Variants in FAIM observed in about 807,000 individuals in gnomAD.
The protein encoded by FAIM is fas apoptotic inhibitory molecule 1.
In FAIM, 14 loss-of-function variants were observed where a neutral mutation model predicts 21.2. The observed-to-expected ratio is 0.66, with a 90% CI of 0.44 to 1.03. The LOEUF is 1.03. Among genes scored for constraint, FAIM ranks in the 50% least tolerant of loss-of-function variants. The probability of loss-of-function intolerance (pLI) is 0.00; values close to 1 mark genes in which losing one functional copy is unlikely to be tolerated. For synonymous variants in FAIM, 86 were observed against 80.4 expected, an observed-to-expected ratio of 1.07 and a Z score of -0.37; for missense variants, 222 against 247.1, an observed-to-expected ratio of 0.90 and a Z score of 0.68.
chr3:138,625,834 G>A (rs891231015), intron 4 of FAIM, among the ~76,000 whole-genome samples: 3 of 152,150 alleles, frequency 2.0e-5, no homozygotes, highest in Non-Finnish European at 4.4e-5. Flanking sequence ...AAAGGGTACT[G>A]CTAGTAAAGA....
chr3:138,630,318 C>G (rs1307562088), intron 5 of FAIM: 1 of 151,892 alleles, frequency 6.6e-6, no homozygotes, highest in Non-Finnish European at 1.5e-5. Context: ...AACCAGAAAT[C>G]AAAAATTACA....
chr3:138,631,264 T>C (rs1391658168), intron 5 of FAIM: 1 of 151,740 alleles, frequency 6.6e-6, no homozygotes, highest in Non-Finnish European at 1.5e-5. Context: ...TTTTTTTTTT[T>C]AAGTTAGCTG....
At chr3:138,625,457 T>C (rs537201208) in intron 4 of FAIM, among the ~76,000 whole-genome samples, 2 of 105,670 alleles carry the variant, frequency 1.9e-5, no homozygotes, top group South Asian at 4.1e-4. Flanking sequence ...AGCAAGACTC[T>C]GTCTCAAAAA....
At chr3:138,618,894 G>A (rs531419687) in intron 1 of FAIM, among the ~76,000 whole-genome samples, 26 of 152,306 alleles carry the variant, frequency 1.7e-4, no homozygotes, top group African/African-American at 6.3e-4. Flanking sequence ...ATCTTCAAAT[G>A]TGAGGGTTTC....
chr3:138,611,108 A>G lies in FAIM; in HGVS notation c.-17+2171A>G. On this transcript the variant is annotated intron_variant, in intron 1 of 5. Coordinates refer to ENST00000360570, the MANE Select transcript of FAIM (RefSeq NM_001033031.2). ...TTGGTATGCTGGATGAACTTAGAAT[A>G]TGACATGTGTTTATTAAATTGAATT... The G allele has an allele frequency of 4.4e-6, 5 of 1,139,550 alleles. No individual in the cohort carries two copies. The South Asian group carries it at 6.4e-5, about 15-fold the overall frequency. 70.6% of individuals were successfully genotyped at this position (1,139,550 alleles called of 1,614,324 possible).
chr3:138,610,393 TATC>T (rs2042754336), intron 1 of FAIM, among the ~76,000 whole-genome samples: 1 of 152,226 alleles, frequency 6.6e-6, no homozygotes, highest in Non-Finnish European at 1.5e-5. Context: ...AAGTGCTTGG[TATC>T]ATCTCCATCA....
chr3:138,632,431 G>A (rs906069906), intron 5 of FAIM, among the ~76,000 whole-genome samples: 3 of 151,998 alleles, frequency 2.0e-5, no homozygotes, highest in African/African-American at 7.2e-5. Flanking sequence ...GTATTGAACA[G>A]AACAGGTATA....
At position 138,617,022 on chromosome 3, in the gene FAIM, T is replaced by C. The variant is rs913359933; in HGVS notation, c.-16-2689T>C. 3.3e-5 allele frequency among the ~76,000 whole-genome samples: 5 copies of C among 152,298 alleles called. No homozygotes were observed. In the East Asian group the frequency reaches 7.7e-4, roughly 23 times the overall value. On this transcript the variant is annotated intron_variant, in intron 1 of 5. Transcript: ENST00000360570. Reference sequence around the variant, plus strand: ...AAATTGCTATTTTTTAAGTAGTCCTTAAATAATTGTTGAATGCCTGAATGA... The same window carrying C: ...AAATTGCTATTTTTTAAGTAGTCCTCAAATAATTGTTGAATGCCTGAATGA...
chr3:138,626,786 C>T (rs763136570), intron 4 of FAIM, among the ~76,000 whole-genome samples: 2 of 152,192 alleles, frequency 1.3e-5, no homozygotes, highest in Non-Finnish European at 2.9e-5. Flanking sequence ...TGCCCATTTG[C>T]CTTCCATGGT....
chr3:138,625,117 A>G (rs2042926004), intron 4 of FAIM, among the ~76,000 whole-genome samples: 1 of 150,904 alleles, frequency 6.6e-6, no homozygotes, highest in East Asian at 2.0e-4. Flanking sequence ...AGTGAGCTAA[A>G]TTGCACCACT....
intron 4 of FAIM, among the ~76,000 whole-genome samples, chr3:138,627,859 G>A (rs1298868621): frequency 6.6e-6 from 1 of 152,146 alleles, no homozygotes; most frequent in Non-Finnish European, 1.5e-5. Context: ...TATGGGGAGA[G>A]AAAGAACCCC....
intron 1 of FAIM, among the ~76,000 whole-genome samples, chr3:138,617,929 T>A (rs1037771587): frequency 5.0e-4 from 73 of 146,472 alleles, no homozygotes; most frequent in Admixed American, 2.1e-3. Flanking sequence ...TATAGTATAT[T>A]TAGTATATAT....
At chr3:138,622,567 ATTT>A in intron 4 of FAIM, 151 bp downstream of exon 4, 1 of 591,558 alleles carries the variant, frequency 1.7e-6, no homozygotes, top group Non-Finnish European at 2.8e-6. Context: ...CATTAAAAAA[ATTT>A]TTTGTTTCCT....
At chr3:138,632,636 G>A (rs764875747) in intron 5 of FAIM, among the ~76,000 whole-genome samples, 3 of 151,988 alleles carry the variant, frequency 2.0e-5, no homozygotes, top group Non-Finnish European at 4.4e-5. Context: ...ACTAATAAAT[G>A]TCATATTTAT....
chr3:138,629,033 T>C (rs2042972606), intron 4 of FAIM, 74 bp from the exon 5 acceptor site: 2 of 1,161,618 alleles, frequency 1.7e-6, no homozygotes, highest in South Asian at 1.4e-5. Flanking sequence ...TTTCCTAAAG[T>C]AATAAATAGG....
intron 4 of FAIM, among the ~76,000 whole-genome samples, chr3:138,628,247 A>G (rs191479143): frequency 1.1e-3 from 173 of 152,310 alleles, no homozygotes; most frequent in African/African-American, 4.1e-3. Flanking sequence ...ATGAAAAGGA[A>G]TAGACATTAT....
At position 138,622,325 on chromosome 3, in the gene FAIM, GAA is replaced by G; in HGVS notation, c.318_319del (p.Leu108GlnfsTer21). 1 of 1,613,920 alleles carries G rather than the reference GAA, an allele frequency of 6.2e-7. No homozygotes were observed. Reference protein sequence around the residue: ...AYEYTLEINGKSLKKYMEDRS... With the variant: ...AYEYTLEINGXSLKKYMEDRS... ...ATGAATATACTCTGGAAATTAATGG[GAA>G]AAGTCTCAAGAAGTATATGGAGGAC... is the stretch of plus-strand genomic sequence containing the variant. On this transcript the variant is annotated frameshift_variant, in exon 4 of 6. Coordinates refer to ENST00000360570, the MANE Select transcript of FAIM (RefSeq NM_001033031.2). LOFTEE classifies it high-confidence loss of function.
Position 138,622,244 on chromosome 3 carries a change from T to C in FAIM, c.234T>C (p.Val78=), listed in dbSNP as rs1411093863. 6.2e-7 allele frequency: 1 copy of C among 1,613,766 alleles called. No individual in the cohort carries two copies. Among genetic ancestry groups the C allele is most frequent in the Non-Finnish European group, 8.5e-7 (1 of 1,179,968 alleles). ...FKLVGKETFY[V]GAAKTKATIN... ...TAGTGGGCAAAGAAACATTCTATGT[T>C]GGAGCTGCAAAGACAAAAGCGACCA... Residue 78 remains valine (V), a synonymous_variant, in exon 4 of 6, where the codon GTT becomes GTC. Transcript: ENST00000360570.
intron 2 of FAIM, among the ~76,000 whole-genome samples, chr3:138,620,229 G>A (rs2042869564): frequency 6.6e-6 from 1 of 152,108 alleles, no homozygotes; most frequent in Non-Finnish European, 1.5e-5. Flanking sequence ...GTAAAATAAG[G>A]ATACTAATAG....
Sources: gnomAD v4.1 joint callset for allele counts (sites outside exome capture counted in the v4.1 genomes callset) on GRCh38, gnomAD v4.1.1 for gene constraint, MANE v1.5 for transcripts, NCBI Gene and HGNC (gene_info 2026-07-23, HGNC 2026-07-21) for gene names.